The following DIP2C variants were observed in gnomAD, a reference collection of about 807,000 sequenced individuals.
DIP2C encodes DIP2 acetate--CoA ligase C (putative), also known as disco-interacting protein 2 homolog C.
A neutral mutation model predicts 192.4 loss-of-function variants in DIP2C; 33 were observed. The observed-to-expected ratio is 0.17, with a 90% CI of 0.13 to 0.23. The LOEUF is 0.23. Ranked by LOEUF, DIP2C falls within the 10% of genes least tolerant of loss-of-function variation. The pLI is 1.00. For missense variants in DIP2C, 1,537 were observed against 2,110.1 expected (o/e 0.73, Z 5.32); for synonymous variants, 979 against 864.1 (o/e 1.13, Z -2.33).
At chr10:439,810 C>T (rs1402177730) in intron 4 of DIP2C, among the ~76,000 whole-genome samples, 1 of 152,088 alleles carries the variant, frequency 6.6e-6, no homozygotes, top group African/African-American at 2.4e-5. Flanking sequence ...CTTGCCAAGA[C>T]CAAGCTAAAC....
chr10:298,933 T>C (rs1955885546), intron 32 of DIP2C, among the ~76,000 whole-genome samples: 1 of 152,250 alleles, frequency 6.6e-6, no homozygotes, highest in Non-Finnish European at 1.5e-5. Flanking sequence ...AACTTTCCCT[T>C]TTTGAGTAAG....
At chr10:376,747 A>G (rs1961646559) in intron 17 of DIP2C, among the ~76,000 whole-genome samples, 7 of 152,162 alleles carry the variant, frequency 4.6e-5, no homozygotes, top group Admixed American at 4.6e-4. Context: ...TCACAGCAGC[A>G]GAATGAACTA....
chr10:687,348 G>A (rs916160772), intron 1 of DIP2C, among the ~76,000 whole-genome samples: 8 of 152,114 alleles, frequency 5.3e-5, no homozygotes, highest in Admixed American at 5.2e-4. Context: ...AACTCAACCT[G>A]GGCAAACCCA....
Position 390,274 on chromosome 10 carries a change from G to T in DIP2C, c.1484C>A (p.Ala495Glu), listed in dbSNP as rs370308829. Residue 495 changes from alanine to glutamate, a missense_variant, in exon 12 of 37, where the codon GCG becomes GAG. Ala to Glu is a moderately radical substitution (Grantham distance 107). Transcript: ENST00000280886. ...CCAAGGCTGACTCACCTCAATATAC[G>T]CAGTGTCGTTATTGGCATCTTTAAT... is the stretch of plus-strand genomic sequence containing the variant. Reference protein sequence around the residue: ...PHIKDANNDTAYIEYKTCKDG... With the variant: ...PHIKDANNDTEYIEYKTCKDG... The T allele has an allele frequency of 1.1e-5, 18 of 1,613,748 alleles. No homozygotes were observed. The highest frequency in any genetic ancestry group is 1.4e-5 in the Non-Finnish European group (17 of 1,179,930).
intron 1 of DIP2C, among the ~76,000 whole-genome samples, chr10:614,470 C>G (rs932519213): frequency 1.3e-5 from 2 of 152,180 alleles, no homozygotes; most frequent in African/African-American, 2.4e-5. Flanking sequence ...AACCATGCAG[C>G]CTGGCTGCAG....
chr10:565,562 T>A (rs1849422148), intron 1 of DIP2C, among the ~76,000 whole-genome samples: 1 of 152,182 alleles, frequency 6.6e-6, no homozygotes, highest in Admixed American at 6.5e-5. Context: ...TTCCACAGAC[T>A]ACTAACCCAA....
intron 4 of DIP2C, 91 bp from the exon 5 acceptor site, chr10:423,124 T>TA: frequency 8.1e-7 from 1 of 1,227,158 alleles, no homozygotes; most frequent in Non-Finnish European, 1.1e-6. Context: ...TTACTTCACG[T>TA]AAGTCTCAAT....
intron 10 of DIP2C, among the ~76,000 whole-genome samples, chr10:395,113 T>C (rs1260022619): frequency 4.3e-5 from 3 of 68,986 alleles, no homozygotes; most frequent in East Asian, 5.3e-4. Context: ...GAGGGAGGAG[T>C]TGGGGGGAGG....
intron 3 of DIP2C, among the ~76,000 whole-genome samples, chr10:470,512 G>GAT (rs1422720815): frequency 2.0e-5 from 3 of 152,146 alleles, no homozygotes; most frequent in African/African-American, 7.2e-5. Flanking sequence ...CAAGCCAAGA[G>GAT]ATAACCATCT....
intron 1 of DIP2C, among the ~76,000 whole-genome samples, chr10:672,250 G>A (rs1830688626): frequency 6.6e-6 from 1 of 151,242 alleles, no homozygotes; most frequent in South Asian, 2.1e-4. Flanking sequence ...TGCACGGATG[G>A]AGGAAACGCG....
intron 10 of DIP2C, among the ~76,000 whole-genome samples, chr10:398,024 G>A (rs1589701981): frequency 2.6e-5 from 4 of 152,112 alleles, no homozygotes; most frequent in Admixed American, 2.6e-4. Flanking sequence ...ATACCAACAT[G>A]ACAAATAGCA....
intron 1 of DIP2C, among the ~76,000 whole-genome samples, chr10:527,461 G>C (rs1445399859): frequency 6.6e-6 from 1 of 152,188 alleles, no homozygotes; most frequent in Admixed American, 6.5e-5. Context: ...TTTAAAATTA[G>C]AGCAAAAAGA....
chr10:359,570 G>A (rs1293443248), intron 22 of DIP2C, among the ~76,000 whole-genome samples: 1 of 152,196 alleles, frequency 6.6e-6, no homozygotes, highest in East Asian at 1.9e-4. Context: ...TCTTAATGAA[G>A]TATGGAAGAG....
At chr10:378,609 A>G (rs1440971746) in intron 17 of DIP2C, among the ~76,000 whole-genome samples, 2 of 152,018 alleles carry the variant, frequency 1.3e-5, no homozygotes, top group East Asian at 1.9e-4. Flanking sequence ...ACATGAACAG[A>G]CATGCATAAA....
intron 1 of DIP2C, among the ~76,000 whole-genome samples, chr10:493,285 A>T (rs559550267): frequency 4.2e-4 from 64 of 152,348 alleles, no homozygotes; most frequent in Middle Eastern, 6.8e-3. Flanking sequence ...CCTTCACACA[A>T]AAAGGAAAGA....
At chr10:654,742 C>G (rs998964210) in intron 1 of DIP2C, among the ~76,000 whole-genome samples, 1 of 152,154 alleles carries the variant, frequency 6.6e-6, no homozygotes, top group Admixed American at 6.5e-5. Flanking sequence ...GCCAGTAACG[C>G]CCCACTGAAG....
intron 1 of DIP2C, among the ~76,000 whole-genome samples, chr10:670,540 C>G (rs1830582454): frequency 6.6e-6 from 1 of 152,214 alleles, no homozygotes; most frequent in Non-Finnish European, 1.5e-5. Flanking sequence ...GGCTGCACAT[C>G]ACATTAACAT....
intron 1 of DIP2C, chr10:664,202 G>GT (rs1168466246): frequency 6.6e-6 from 1 of 151,318 alleles, no homozygotes; most frequent in Non-Finnish European, 1.5e-5. Context: ...GTTGCTCAGG[G>GT]TATCTCCACA....
intron 4 of DIP2C, among the ~76,000 whole-genome samples, chr10:427,758 A>G (rs1442820121): frequency 6.6e-6 from 1 of 152,208 alleles, no homozygotes; most frequent in African/African-American, 2.4e-5. Context: ...ATACCAAAAT[A>G]CCAACTGCTT....
Sources: gnomAD v4.1 joint callset for allele counts (sites outside exome capture counted in the v4.1 genomes callset) on GRCh38, gnomAD v4.1.1 for gene constraint, MANE v1.5 for transcripts, NCBI Gene and HGNC (gene_info 2026-07-23, HGNC 2026-07-21) for gene names.